C10orf67: variants seen among roughly 807,000 people sequenced by gnomAD.
C10orf67 encodes chromosome 10 open reading frame 67, also known as uncharacterized protein C10orf67, mitochondrial.
In C10orf67, 60 loss-of-function variants were observed where a neutral mutation model predicts 35.6. That is an observed-to-expected ratio of 1.68 (90% CI 1.37 to 2.09). The LOEUF is 2.09. C10orf67 is among the 30% of genes most tolerant of loss of function. The pLI is 0.00. For missense variants in C10orf67, 474 were observed against 330.2 expected (o/e 1.44, Z -3.38); for synonymous variants, 167 against 115.8 (o/e 1.44, Z -2.84).
intron 7 of C10orf67, among the ~76,000 whole-genome samples, chr10:23,287,497 A>G (rs1014509811): frequency 2.6e-5 from 4 of 152,244 alleles, no homozygotes; most frequent in African/African-American, 7.2e-5. Context: ...AAAGACTTAA[A>G]TGTAAAACCC....
intron 2 of C10orf67, among the ~76,000 whole-genome samples, chr10:23,331,162 G>C: frequency 6.7e-6 from 1 of 149,922 alleles, no homozygotes; most frequent in East Asian, 2.0e-4. Flanking sequence ...GAAGGGAAGG[G>C]AAGGGAACCG....
chr10:23,214,120 T>A (rs1460303593), intron 15 of C10orf67, among the ~76,000 whole-genome samples: 1 of 151,780 alleles, frequency 6.6e-6, no homozygotes, highest in Admixed American at 6.6e-5. Context: ...CATGCAACAA[T>A]CCACCAAGAA....
chr10:23,247,805 A>G (rs11013350), intron 12 of C10orf67, among the ~76,000 whole-genome samples: 37,999 of 152,130 alleles, frequency 0.25, 5,828 homozygotes, highest in African/African-American at 0.41. Context: ...ATATTTGCCA[A>G]TTGGGAAGAG....
At chr10:23,228,759 C>A (rs925295483) in intron 13 of C10orf67, among the ~76,000 whole-genome samples, 11 of 152,080 alleles carry the variant, frequency 7.2e-5, no homozygotes, top group Non-Finnish European at 1.3e-4. Context: ...ACAACCCCAT[C>A]AAAAAGTGGG....
chr10:23,223,161 C>T (rs763279153), intron 15 of C10orf67, among the ~76,000 whole-genome samples: 50 of 152,012 alleles, frequency 3.3e-4, no homozygotes, highest in Non-Finnish European at 6.8e-4. Flanking sequence ...CTCACTGCAG[C>T]CTTGACCTCC....
intron 10 of C10orf67, among the ~76,000 whole-genome samples, chr10:23,262,060 T>C (rs1842763202): frequency 2.6e-5 from 4 of 152,084 alleles, no homozygotes; most frequent in Admixed American, 2.6e-4. Context: ...CCAAAGACAG[T>C]GGTCAACAGT....
intron 5 of C10orf67, among the ~76,000 whole-genome samples, chr10:23,302,471 GA>G (rs1465652200): frequency 1.3e-5 from 2 of 152,250 alleles, no homozygotes; most frequent in Non-Finnish European, 2.9e-5. Context: ...AGAATGAGAA[GA>G]GATGCCATCG....
chr10:23,238,607 G>A (rs903779363), intron 13 of C10orf67, among the ~76,000 whole-genome samples: 5 of 152,122 alleles, frequency 3.3e-5, no homozygotes, highest in African/African-American at 1.2e-4. Flanking sequence ...ATTCAAATTT[G>A]GACTAGAAAA....
At position 23,276,896 on chromosome 10, in the gene C10orf67, A is replaced by C. The variant is rs1843205474; in HGVS notation, c.975+5117T>G. Among the ~76,000 whole-genome samples the C allele has an allele frequency of 2.0e-5, 3 of 152,200 alleles. No homozygotes were observed. The South Asian group carries it at 6.2e-4, about 32-fold the overall frequency. ...TGTAACATGCTAATAGCGATGTGCC[A>C]GGGAAAGGAATTGGTGAATAAATAA... On this transcript the variant is annotated intron_variant, in intron 8 of 15. Coordinates refer to ENST00000636213, the MANE Select transcript of C10orf67 (RefSeq NM_001371909.1).
intron 12 of C10orf67, among the ~76,000 whole-genome samples, chr10:23,241,862 G>A (rs768909445): frequency 3.3e-5 from 5 of 150,244 alleles, no homozygotes; most frequent in Admixed American, 6.6e-5. Context: ...GATAACAAAA[G>A]ATCAAGGGAA....
intron 5 of C10orf67, among the ~76,000 whole-genome samples, chr10:23,303,069 A>G (rs1382497402): frequency 6.6e-6 from 1 of 152,166 alleles, no homozygotes; most frequent in Non-Finnish European, 1.5e-5. Context: ...TTCCATTTAA[A>G]CAAAAATTGT....
intron 1 of C10orf67, among the ~76,000 whole-genome samples, chr10:23,340,887 T>C (rs542599156): frequency 7.9e-4 from 121 of 152,360 alleles, no homozygotes; most frequent in African/African-American, 2.8e-3. Context: ...TCCTAATTTA[T>C]TTTGGAAAAC....
intron 15 of C10orf67, among the ~76,000 whole-genome samples, chr10:23,218,832 A>G (rs1841502501): frequency 6.6e-6 from 1 of 152,228 alleles, no homozygotes; most frequent in African/African-American, 2.4e-5. Context: ...ATATTATAAA[A>G]TGTGCACTTG....
In C10orf67 at chr10:23,303,454, G is replaced by T. The variant is rs1194755224; in HGVS notation, c.552C>A (p.Phe184Leu). 3.6e-6 allele frequency: 2 copies of T among 555,700 alleles called. No individual in the cohort carries two copies. The highest frequency in any genetic ancestry group is 2.8e-5 in the South Asian group (1 of 35,858). 34.4% of individuals were successfully genotyped at this position (555,700 alleles called of 1,614,324 possible). The change falls in exon 5 of 16, where the codon TTC (phenylalanine) becomes TTA (leucine). Residue 184 changes from phenylalanine to leucine, a missense_variant. Physicochemically the swap from Phe to Leu is conservative, Grantham distance 22. Transcript: ENST00000636213. ...IAVIKGMYQQFFEVEEENVSL... is the reference protein window; with the variant it reads ...IAVIKGMYQQLFEVEEENVSL... ...AAACATTCTCTTCTTCTACCTCAAA[G>T]AATTGCTAGGGACAAAAAAAAGCAG...
chr10:23,294,769 T>C (rs1372878769), intron 5 of C10orf67, among the ~76,000 whole-genome samples: 1 of 152,256 alleles, frequency 6.6e-6, no homozygotes, highest in Non-Finnish European at 1.5e-5. Flanking sequence ...AAATTTTTAA[T>C]TGTTTTTCCA....
chr10:23,311,695 G>A (rs1192658724), intron 4 of C10orf67, among the ~76,000 whole-genome samples: 1 of 140,798 alleles, frequency 7.1e-6, no homozygotes, highest in Non-Finnish European at 1.5e-5. Context: ...TGGGCAACAA[G>A]AGCGAAACTC....
intron 8 of C10orf67, among the ~76,000 whole-genome samples, chr10:23,275,609 A>G (rs1023756281): frequency 6.6e-6 from 1 of 152,006 alleles, no homozygotes; most frequent in African/African-American, 2.4e-5. Context: ...ATGCACACGC[A>G]CACACACACA....
chr10:23,326,485 T>G (rs1364747175), intron 2 of C10orf67, among the ~76,000 whole-genome samples: 1 of 152,132 alleles, frequency 6.6e-6, no homozygotes, highest in East Asian at 1.9e-4. Context: ...AGTAGGAGAA[T>G]AGCTAAATAA....
At chr10:23,284,222 G>A (rs1391448465) in intron 7 of C10orf67, among the ~76,000 whole-genome samples, 1 of 145,854 alleles carries the variant, frequency 6.9e-6, no homozygotes, top group Non-Finnish European at 1.5e-5. Flanking sequence ...CCACACCCCT[G>A]GTCTCCCCAC....
Sources: gnomAD v4.1 joint callset for allele counts (sites outside exome capture counted in the v4.1 genomes callset) on GRCh38, gnomAD v4.1.1 for gene constraint, MANE v1.5 for transcripts, NCBI Gene and HGNC (gene_info 2026-07-23, HGNC 2026-07-21) for gene names.